ERCC6: variants seen among roughly 807,000 people sequenced by gnomAD.
ERCC6 encodes DNA excision repair protein ERCC-6.
Under a neutral mutation model 158.7 loss-of-function variants are expected in ERCC6, and 116 were observed. The observed-to-expected ratio is 0.73, with a 90% confidence interval of 0.63 to 0.85. The LOEUF (loss-of-function observed/expected upper bound fraction) is 0.85. Ranked by LOEUF, ERCC6 falls within the 40% of genes least tolerant of loss-of-function variation. The probability of loss-of-function intolerance (pLI) is 0.00; values close to 1 mark genes in which losing one functional copy is unlikely to be tolerated. For synonymous variants in ERCC6, 678 were observed against 659.3 expected (o/e 1.03, Z -0.43); for missense variants, 1,698 against 1,799.4 (o/e 0.94, Z 1.02).
chr10:49,473,498 T>C lies in ERCC6; in HGVS notation c.2688A>G (p.Pro896=). The C allele has an allele frequency of 1.2e-6, 2 of 1,609,674 alleles. No individual in the cohort carries two copies. The highest frequency in any genetic ancestry group is 1.7e-6 in the Non-Finnish European group (2 of 1,175,880). The change falls in exon 14 of 21, where the codon CCA becomes CCG. Residue 896 remains proline, a synonymous_variant. Transcript: ENST00000355832. The part of the protein sequence containing the change: ...DGTTTIASRQ[P]LITRYNEDTS... ...TTACCTCATTGTATCTCGTAATCAGTGGCTGTCTTGAAGCTATTGTAGTGG... is the reference window on the plus strand; with the variant it reads ...TTACCTCATTGTATCTCGTAATCAGCGGCTGTCTTGAAGCTATTGTAGTGG...
Position 49,537,356 on chromosome 10 carries a change from A to G in ERCC6, c.-15+1606T>C, listed in dbSNP as rs924598769. Among the ~76,000 whole-genome samples the G allele has an allele frequency of 9.2e-5, 14 of 151,730 alleles. No homozygotes were observed. The South Asian group carries it at 1.0e-3, about 11-fold the overall frequency. On this transcript the variant is annotated intron_variant, in intron 1 of 20. Transcript: ENST00000355832. ...AGACTCCGTCTCAAAAAAAAAAAAA[A>G]AAAGAAAGAAAGAAATCATACATTT...
intron 12 of ERCC6, chr10:49,475,237 A>C (rs1850855332): frequency 3.3e-6 from 1 of 307,020 alleles, no homozygotes; most frequent in African/African-American, 2.2e-5. Context: ...AAAGGAGTAA[A>C]ATATCTTTTT....
At chr10:49,515,761 T>G in intron 5 of ERCC6, 1 of 1,614,216 alleles carries the variant, frequency 6.2e-7, no homozygotes, top group South Asian at 1.1e-5. Flanking sequence ...ACTTTGATCA[T>G]GTTTGGCTGC....
At position 49,505,930 on chromosome 10, in the gene ERCC6, C is replaced by T; in HGVS notation, c.1480G>A (p.Asp494Asn). The change falls in exon 6 of 21, where the codon GAC becomes AAC. Residue 494 changes from aspartate (D) to asparagine (N), a missense_variant. Coordinates refer to ENST00000355832, the MANE Select transcript of ERCC6 (RefSeq NM_000124.4). ...DDSEESDAEF[D>N]EGFKVPGFLF... ...AAACCTGGCACTTTAAAACCTTCGT[C>T]AAATTCAGCATCACTTTCCTCAGAA... 1 of 1,613,478 alleles carries T rather than the reference C, an allele frequency of 6.2e-7. No individual in the cohort carries two copies. Among genetic ancestry groups the T allele is most frequent in the Non-Finnish European group, 8.5e-7 (1 of 1,179,608 alleles).
chr10:49,486,531 G>A (rs1851081339), intron 8 of ERCC6, among the ~76,000 whole-genome samples: 1 of 152,146 alleles, frequency 6.6e-6, no homozygotes, highest in Non-Finnish European at 1.5e-5. Flanking sequence ...TGAAAAGTGA[G>A]CCAAAATAAC....
chr10:49,514,297 T>C (rs1389998169), intron 5 of ERCC6, among the ~76,000 whole-genome samples: 1 of 152,172 alleles, frequency 6.6e-6, no homozygotes, highest in African/African-American at 2.4e-5. Flanking sequence ...AGTTTAGCAG[T>C]TCTTTGAACT....
chr10:49,452,846 C>T (rs1287270082), downstream of ERCC6, among the ~76,000 whole-genome samples: 1 of 152,040 alleles, frequency 6.6e-6, no homozygotes, highest in Non-Finnish European at 1.5e-5. Context: ...GCATTTTTGT[C>T]TTAAAGTCTA....
At chr10:49,462,261 T>G (rs1183788071) in intron 18 of ERCC6, among the ~76,000 whole-genome samples, 8 of 152,164 alleles carry the variant, frequency 5.3e-5, no homozygotes, top group South Asian at 4.1e-4. Flanking sequence ...CTCTAATCAC[T>G]GAGAAAAACT....
rs1436211186 is a variant in ERCC6 at position 49,524,750 on chromosome 10, A to G, written c.680T>C (p.Met227Thr). 8.1e-6 allele frequency: 13 copies of G among 1,603,662 alleles called. No homozygotes were observed. The highest frequency in any genetic ancestry group is 3.3e-5 in the Admixed American group (2 of 59,992). ...AEPGPSSLGS[M>T]LMPVQETAWE... ...GGCAGTCTCCTGGACAGGCATGAGCATGCTGCCAAGACTGGATGGCCCCGG... is the reference window on the plus strand; with the variant it reads ...GGCAGTCTCCTGGACAGGCATGAGCGTGCTGCCAAGACTGGATGGCCCCGG... The change falls in exon 5 of 21, where the codon ATG (methionine) becomes ACG (threonine). Residue 227 changes from methionine (M) to threonine (T), a missense_variant. Physicochemically the swap from Met to Thr is moderately conservative, Grantham distance 81. Transcript: ENST00000355832.
chr10:49,528,205 G>C (rs1232864805), intron 4 of ERCC6, among the ~76,000 whole-genome samples: 1 of 152,202 alleles, frequency 6.6e-6, no homozygotes. Flanking sequence ...AGCCTCCTAT[G>C]AACTGAGTTA....
the ERCC6 span, among the ~76,000 whole-genome samples, chr10:49,441,371 G>A: frequency 7.9e-5 from 12 of 152,190 alleles, no homozygotes; most frequent in African/African-American, 2.9e-4. Context: ...CTGGCTGCCC[G>A]CAGTGCAGCT....
At chr10:49,442,530 GC>G in the ERCC6 span, among the ~76,000 whole-genome samples, 12 of 152,342 alleles carry the variant, frequency 7.9e-5, no homozygotes, top group African/African-American at 2.6e-4. Flanking sequence ...CTGGTGATAT[GC>G]ATTAGTCAGA....
Position 49,460,507 on chromosome 10 carries a change from T to C in ERCC6, c.3984-56A>G, listed in dbSNP as rs1590397042. ...AATGTTTGCTTTTGAGACTTAGAGA[T>C]CAAAATATTCTTTCAACAATGAACT... On this transcript the variant is annotated intron_variant, in intron 19 of 20. Coordinates refer to ENST00000355832, the MANE Select transcript of ERCC6 (RefSeq NM_000124.4). 5.1e-6 allele frequency: 6 copies of C among 1,175,466 alleles called. No individual in the cohort carries two copies. In the East Asian group the frequency reaches 1.2e-4, roughly 23 times the overall value. 72.8% of individuals were successfully genotyped at this position (1,175,466 alleles called of 1,614,324 possible). A position where few individuals can be genotyped will look rare whatever the true frequency, so the allele number is the denominator to read the frequency against.
the ERCC6 span, among the ~76,000 whole-genome samples, chr10:49,442,033 C>G: frequency 6.6e-6 from 1 of 152,206 alleles, no homozygotes. Context: ...TGGCCCCAGG[C>G]TGCCGGTATC....
rs775549101 is a variant in ERCC6, at chr10:49,470,865, G to C, written c.3095C>G (p.Pro1032Arg). ...AATCCTTCTTTTTAGATGGCATTTG[G>C]GTGTCTGAACATCTGATCCAGTTCC... ...FAGTGSDVQT[P>R]KCHLKRRIQP... The change falls in exon 18 of 21, where the codon CCC (proline) becomes CGC (arginine). Residue 1032 changes from proline (P) to arginine (R), a missense_variant. By Grantham distance (103) the Pro-to-Arg change is moderately radical. Coordinates refer to ENST00000355832, the MANE Select transcript of ERCC6 (RefSeq NM_000124.4). The C allele has an allele frequency of 1.9e-5, 30 of 1,613,844 alleles. No individual in the cohort carries two copies. The South Asian group carries it at 3.2e-4, about 17-fold the overall frequency.
intron 8 of ERCC6, among the ~76,000 whole-genome samples, chr10:49,489,082 C>G (rs1461974989): frequency 6.6e-6 from 1 of 152,138 alleles, no homozygotes; most frequent in Non-Finnish European, 1.5e-5. Flanking sequence ...CGTGCCAGGC[C>G]ATTATTTGCT....
intron 5 of ERCC6, among the ~76,000 whole-genome samples, chr10:49,509,183 G>T (rs1851495075): frequency 6.6e-6 from 1 of 152,056 alleles, no homozygotes; most frequent in Non-Finnish European, 1.5e-5. Flanking sequence ...CTACTTCACT[G>T]GGTTCTGGGA....
intron 7 of ERCC6, among the ~76,000 whole-genome samples, chr10:49,493,643 G>T (rs947170778): frequency 1.3e-5 from 2 of 152,166 alleles, no homozygotes; most frequent in South Asian, 2.1e-4. Context: ...AAATTTGTCT[G>T]AAGTTTTATA....
downstream of ERCC6, among the ~76,000 whole-genome samples, chr10:49,451,181 T>TTG (rs1440195830): frequency 6.6e-6 from 1 of 150,956 alleles, no homozygotes; most frequent in Non-Finnish European, 1.5e-5. Flanking sequence ...TCAATAGTTT[T>TTG]TTTTTTTTTT....
Sources: allele counts gnomAD v4.1 joint callset (sites outside exome capture counted in the v4.1 genomes callset), GRCh38; gene constraint gnomAD v4.1.1; transcripts MANE v1.5; gene names NCBI Gene and HGNC (gene_info 2026-07-23, HGNC 2026-07-21).